Variants in GPR183 observed in about 807,000 individuals in gnomAD.
GPR183 encodes EBV-induced G-protein coupled receptor 2.
A neutral mutation model predicts 19.7 loss-of-function variants in GPR183; 9 were observed. The observed-to-expected ratio is 0.46, with a 90% CI of 0.28 to 0.80. GPR183 has a LOEUF of 0.80. Ranked by LOEUF, GPR183 falls within the 30% of genes least tolerant of loss-of-function variation. The probability of loss-of-function intolerance (pLI) is 0.13; values close to 1 mark genes in which losing one functional copy is unlikely to be tolerated. For synonymous variants in GPR183, 160 were observed against 155.1 expected, an observed-to-expected ratio of 1.03 and a Z score of -0.24; for missense variants, 368 against 446.7, an observed-to-expected ratio of 0.82 and a Z score of 1.59.
chr13:99,295,233 G>C lies in GPR183; in HGVS notation c.913C>G (p.Pro305Ala). Residue 305 changes from proline to alanine, a missense_variant, in exon 2 of 2, where the codon CCT becomes GCT. Coordinates refer to ENST00000376414, the MANE Select transcript of GPR183 (RefSeq NM_004951.5). This position sits in a 1 kb window ranked among gnomAD's most constrained non-coding sequence, Gnocchi z 4.1. Reference sequence around the variant, plus strand: ...TTACATGCAAAGAAGTAGATAAAAGGGTCCATGCAGCAATTGAAGTTCATC... The same window carrying C: ...TTACATGCAAAGAAGTAGATAAAAGCGTCCATGCAGCAATTGAAGTTCATC... ...CLMNFNCCMD[P>A]FIYFFACKGY... 1 of 1,614,050 alleles carries C rather than the reference G, an allele frequency of 6.2e-7. No individual in the cohort carries two copies. Among genetic ancestry groups the C allele is most frequent in the Non-Finnish European group, 8.5e-7 (1 of 1,179,984 alleles).
intron 1 of GPR183, among the ~76,000 whole-genome samples, chr13:99,300,616 A>G (rs963617804): frequency 2.6e-5 from 4 of 152,204 alleles, no homozygotes; most frequent in East Asian, 1.9e-4. Context: ...AATTAAGTCC[A>G]TTCTTTCATT....
rs138322102 is a variant in GPR183 at position 99,302,276 on chromosome 13, A to G, written c.-19+5064T>C. 1.3e-4 allele frequency among the ~76,000 whole-genome samples: 20 copies of G among 152,368 alleles called. No individual in the cohort carries two copies. In the East Asian group the frequency reaches 1.7e-3, roughly 13 times the overall value. ...TTTGAGGAAAGGTTAAGACTGAGGAAAAATTTCTGGAGCAGGGAGAAATAA... is the reference window on the plus strand; with the variant it reads ...TTTGAGGAAAGGTTAAGACTGAGGAGAAATTTCTGGAGCAGGGAGAAATAA... On this transcript the variant is annotated intron_variant, in intron 1 of 1. Coordinates refer to ENST00000376414, the MANE Select transcript of GPR183 (RefSeq NM_004951.5).
At chr13:99,305,529 T>G (rs2044320835) in intron 1 of GPR183, among the ~76,000 whole-genome samples, 1 of 152,246 alleles carries the variant, frequency 6.6e-6, no homozygotes, top group Non-Finnish European at 1.5e-5. Flanking sequence ...CATTTTATCC[T>G]ATAGAATGCT....
At chr13:99,300,910 T>G (rs2044248297) in intron 1 of GPR183, among the ~76,000 whole-genome samples, 1 of 152,218 alleles carries the variant, frequency 6.6e-6, no homozygotes, top group Non-Finnish European at 1.5e-5. Flanking sequence ...GGTAGAAAAT[T>G]TATTCTTAAG....
At chr13:99,302,077 C>T (rs2044265139) in intron 1 of GPR183, among the ~76,000 whole-genome samples, 1 of 152,118 alleles carries the variant, frequency 6.6e-6, no homozygotes, top group African/African-American at 2.4e-5. Context: ...TCAGCTTATA[C>T]AGAGAGGTGA....
chr13:99,303,607 A>G (rs984325348), intron 1 of GPR183, among the ~76,000 whole-genome samples: 7 of 152,206 alleles, frequency 4.6e-5, no homozygotes, highest in African/African-American at 1.2e-4. Flanking sequence ...GATTTGTAGG[A>G]TGCAGCATGT....
rs563946379 is a variant in GPR183, at chr13:99,305,806, GA to G, written c.-19+1533del. ...AAAAAGTGCAGTGAACCCGCAGAGA[GA>G]AAACATGCTAAAATATAAGAAGTGT... On this transcript the variant is annotated intron_variant, in intron 1 of 1. Coordinates refer to ENST00000376414, the MANE Select transcript of GPR183 (RefSeq NM_004951.5). Among the ~76,000 whole-genome samples, 82 of 152,262 alleles carry G rather than the reference GA, an allele frequency of 5.4e-4. 1 individual carries two copies. The highest frequency in any genetic ancestry group is 1.9e-3 in the African/African-American group (80 of 41,554).
intron 1 of GPR183, among the ~76,000 whole-genome samples, chr13:99,304,840 C>T (rs1198401701): frequency 6.6e-6 from 1 of 152,174 alleles, no homozygotes; most frequent in Non-Finnish European, 1.5e-5. Flanking sequence ...TACATTTTAT[C>T]TCCTATTTCC....
chr13:99,302,131 C>T (rs991073295), intron 1 of GPR183, among the ~76,000 whole-genome samples: 14 of 152,124 alleles, frequency 9.2e-5, no homozygotes, highest in Admixed American at 3.3e-4. Context: ...AGAGGAACTT[C>T]CAGAAGCTCA....
At chr13:99,296,297 T>G (rs1403422514) in intron 1 of GPR183, 134 bp from the exon 2 acceptor site, 26 of 571,502 alleles carry the variant, frequency 4.5e-5, no homozygotes, top group African/African-American at 2.3e-4. Context: ...GTTTTAAAAT[T>G]TCATGACATG....
Position 99,295,746 on chromosome 13 carries a change from C to T in GPR183, c.400G>A (p.Val134Met), listed in dbSNP as rs2044161490. The change falls in exon 2 of 2, where the codon GTG becomes ATG. Residue 134 changes from valine to methionine, a missense_variant. Transcript: ENST00000376414. The surrounding 1 kb of genome is among the most constrained non-coding windows in gnomAD (Gnocchi z 4.1). Reference protein sequence around the residue: ...CLSIDRFIAVVHPLRYNKIKR... With the variant: ...CLSIDRFIAVMHPLRYNKIKR... The stretch of plus-strand genomic sequence containing the variant: ...ATCTTGTTGTAGCGTAGAGGGTGCA[C>T]CACAGCAATGAAGCGGTCAATACTC... 2 of 1,613,954 alleles carry T rather than the reference C, an allele frequency of 1.2e-6. No homozygotes were observed. The highest frequency in any genetic ancestry group is 1.7e-6 in the Non-Finnish European group (2 of 1,180,014).
intron 1 of GPR183, among the ~76,000 whole-genome samples, chr13:99,302,632 G>A (rs2044272888): frequency 6.6e-6 from 1 of 152,166 alleles, no homozygotes; most frequent in Admixed American, 6.5e-5. Context: ...TGACTAAACA[G>A]CCATCATCTG....
chr13:99,304,371 G>A (rs1259691412), intron 1 of GPR183, among the ~76,000 whole-genome samples: 1 of 152,104 alleles, frequency 6.6e-6, no homozygotes, highest in Non-Finnish European at 1.5e-5. Context: ...AAGGCAGTGT[G>A]GGTGTATTTG....
At chr13:99,298,030 C>T (rs1344362342) in intron 1 of GPR183, among the ~76,000 whole-genome samples, 1 of 151,964 alleles carries the variant, frequency 6.6e-6, no homozygotes, top group Non-Finnish European at 1.5e-5. Flanking sequence ...GAACAGTCTA[C>T]AAAGAATATA....
intron 1 of GPR183, among the ~76,000 whole-genome samples, chr13:99,305,110 CTG>C (rs1359302007): frequency 2.6e-5 from 4 of 152,158 alleles, no homozygotes; most frequent in African/African-American, 9.7e-5. Context: ...ACAATTTAGA[CTG>C]AAATTTCGAT....
intron 1 of GPR183, among the ~76,000 whole-genome samples, chr13:99,301,838 TC>T (rs2044261598): frequency 6.6e-6 from 1 of 152,232 alleles, no homozygotes; most frequent in Non-Finnish European, 1.5e-5. Context: ...TTTACCATAT[TC>T]GGGGATTTAG....
chr13:99,301,019 T>C (rs1594104382), intron 1 of GPR183, among the ~76,000 whole-genome samples: 3 of 151,054 alleles, frequency 2.0e-5, no homozygotes, highest in African/African-American at 7.2e-5. Context: ...GAAAGTATTA[T>C]CATTTATCAT....
At chr13:99,300,130 G>A (rs1430228328) in intron 1 of GPR183, among the ~76,000 whole-genome samples, 1 of 152,202 alleles carries the variant, frequency 6.6e-6, no homozygotes, top group Non-Finnish European at 1.5e-5. Context: ...AAGGGCAGGG[G>A]GTGCCCACTT....
intron 1 of GPR183, among the ~76,000 whole-genome samples, chr13:99,306,051 G>A (rs773388616): frequency 5.9e-5 from 9 of 151,988 alleles, no homozygotes; most frequent in Admixed American, 2.0e-4. Flanking sequence ...GAGTGCCACC[G>A]TGCCTGGCTA....
Sources: gnomAD v4.1 joint callset for allele counts (sites outside exome capture counted in the v4.1 genomes callset) on GRCh38, gnomAD v4.1.1 for gene constraint, Gnocchi (gnomAD v3.1) non-coding constraint, MANE v1.5 for transcripts, NCBI Gene and HGNC (gene_info 2026-07-23, HGNC 2026-07-21) for gene names.